Variants in EYS observed in about 807,000 individuals in gnomAD.
EYS encodes protein eyes shut homolog.
A neutral mutation model predicts 282.1 loss-of-function variants in EYS; 250 were observed. The ratio of observed to expected loss-of-function variants is 0.89; its 90% CI spans 0.80 to 0.98. The LOEUF (loss-of-function observed/expected upper bound fraction) is 0.98. Ranked by LOEUF, EYS falls within the 50% of genes least tolerant of loss-of-function variation. The probability of loss-of-function intolerance (pLI) is 0.00; values close to 1 mark genes in which losing one functional copy is unlikely to be tolerated. For synonymous variants in EYS, 1,355 were observed against 1,282.9 expected (o/e 1.06, Z -1.20); for missense variants, 4,016 against 3,709.0 (o/e 1.08, Z -2.15).
At chr6:64,727,746 G>A (rs919404730) in intron 22 of EYS, among the ~76,000 whole-genome samples, 5 of 152,136 alleles carry the variant, frequency 3.3e-5, no homozygotes, top group Admixed American at 2.0e-4. Flanking sequence ...TTTAGACAGT[G>A]ACCCAATCCT....
intron 36 of EYS, among the ~76,000 whole-genome samples, chr6:63,835,211 TAAAAA>T (rs1399724270): frequency 6.6e-6 from 1 of 151,222 alleles, no homozygotes; most frequent in Non-Finnish European, 1.5e-5. Context: ...TAATAAAAAA[TAAAAA>T]ATAAATGAGT....
At chr6:64,123,534 T>G (rs1363940370) in intron 31 of EYS, among the ~76,000 whole-genome samples, 1 of 152,218 alleles carries the variant, frequency 6.6e-6, no homozygotes, top group Non-Finnish European at 1.5e-5. Context: ...AGACACAGCC[T>G]TGATCTGCAC....
chr6:63,895,530 T>C (rs1205217818), intron 35 of EYS, among the ~76,000 whole-genome samples: 1 of 152,252 alleles, frequency 6.6e-6, no homozygotes, highest in African/African-American at 2.4e-5. Flanking sequence ...CTAGCCATTC[T>C]ATGAAATTTG....
chr6:64,539,153 TGAA>T (rs1242725869), intron 26 of EYS, among the ~76,000 whole-genome samples: 3 of 152,198 alleles, frequency 2.0e-5, no homozygotes, highest in Admixed American at 1.3e-4. Flanking sequence ...TTTTGCAAGA[TGAA>T]GAAGTTTTGG....
intron 2 of EYS, among the ~76,000 whole-genome samples, chr6:65,528,711 T>C (rs892744658): frequency 2.0e-5 from 3 of 152,178 alleles, no homozygotes; most frequent in African/African-American, 4.8e-5. Flanking sequence ...TATTCTGTTA[T>C]AGCAGCACAA....
chr6:64,480,963 A>T (rs1014076891), intron 26 of EYS, among the ~76,000 whole-genome samples: 1 of 151,676 alleles, frequency 6.6e-6, no homozygotes, highest in Admixed American at 6.6e-5. Flanking sequence ...TTCAAATTAA[A>T]GTCAGAATAT....
chr6:64,654,066 A>G (rs1329378172), intron 22 of EYS, among the ~76,000 whole-genome samples: 1 of 152,092 alleles, frequency 6.6e-6, no homozygotes, highest in Non-Finnish European at 1.5e-5. Flanking sequence ...CAGTCTCTTC[A>G]TATTTACCTT....
chr6:65,353,757 T>C (rs1420455375), intron 8 of EYS, 140 bp from the exon 9 acceptor site: 1 of 639,480 alleles, frequency 1.6e-6, no homozygotes, highest in East Asian at 2.8e-5. Flanking sequence ...TACTTCTCTT[T>C]ATTTCTTCTA....
chr6:64,248,028 CAGA>C (rs1352372237), intron 30 of EYS, among the ~76,000 whole-genome samples: 1 of 152,038 alleles, frequency 6.6e-6, no homozygotes, highest in Non-Finnish European at 1.5e-5. Flanking sequence ...CCTAAAAGAC[CAGA>C]AGGACTTGGC....
At chr6:65,139,652 T>TTC (rs1764277224) in intron 12 of EYS, among the ~76,000 whole-genome samples, 1 of 152,062 alleles carries the variant, frequency 6.6e-6, no homozygotes, top group East Asian at 1.9e-4. Context: ...GAAACTAGAC[T>TTC]TCTACCCATG....
chr6:64,080,481 A>G (rs537426688), intron 32 of EYS, among the ~76,000 whole-genome samples: 2 of 152,164 alleles, frequency 1.3e-5, no homozygotes, highest in South Asian at 2.1e-4. Context: ...AGTAGATTGC[A>G]AAAATTTTCT....
At chr6:64,018,209 A>G (rs938871225) in intron 33 of EYS, among the ~76,000 whole-genome samples, 15 of 152,204 alleles carry the variant, frequency 9.9e-5, no homozygotes, top group African/African-American at 3.6e-4. Flanking sequence ...AAAATATGCT[A>G]CCATGGGATA....
chr6:64,677,754 C>T (rs11759039), intron 22 of EYS, among the ~76,000 whole-genome samples: 1 of 151,992 alleles, frequency 6.6e-6, no homozygotes, highest in Non-Finnish European at 1.5e-5. Flanking sequence ...ATGTCTAATT[C>T]TGTCATTTTC....
chr6:64,936,685 AAG>A (rs1341881106), intron 15 of EYS, among the ~76,000 whole-genome samples: 1 of 151,508 alleles, frequency 6.6e-6, no homozygotes, highest in Non-Finnish European at 1.5e-5. Flanking sequence ...ATAACATAAA[AAG>A]ATTCAAATTC....
chr6:63,730,369 C>T (rs1382873948), intron 41 of EYS, among the ~76,000 whole-genome samples: 1 of 152,130 alleles, frequency 6.6e-6, no homozygotes, highest in African/African-American at 2.4e-5. Flanking sequence ...ATTCATTGCC[C>T]TCTTTAAACC....
At chr6:64,796,547 T>G (rs1402355626) in intron 22 of EYS, among the ~76,000 whole-genome samples, 2 of 152,152 alleles carry the variant, frequency 1.3e-5, no homozygotes, top group Non-Finnish European at 2.9e-5. Context: ...AGTTTAAGGC[T>G]CTGAAAATAA....
At chr6:65,553,757 G>A (rs571182990) in intron 2 of EYS, among the ~76,000 whole-genome samples, 1 of 152,066 alleles carries the variant, frequency 6.6e-6, no homozygotes, top group Admixed American at 6.5e-5. Context: ...TAGAACATGA[G>A]GTGTTCTGTA....
intron 36 of EYS, among the ~76,000 whole-genome samples, chr6:63,861,200 T>C (rs1321965722): frequency 6.7e-6 from 1 of 150,192 alleles, no homozygotes; most frequent in African/African-American, 2.5e-5. Flanking sequence ...GTTATGCCTC[T>C]ATTCTTTTTC....
chr6:65,109,852 T>C (rs914861082), intron 12 of EYS, among the ~76,000 whole-genome samples: 3 of 152,118 alleles, frequency 2.0e-5, no homozygotes, highest in African/African-American at 7.2e-5. Flanking sequence ...TTCAGATAGT[T>C]GCTTATTGTA....
Sources: gnomAD v4.1 joint callset for allele counts (sites outside exome capture counted in the v4.1 genomes callset) on GRCh38, gnomAD v4.1.1 for gene constraint, MANE v1.5 for transcripts, NCBI Gene and HGNC (gene_info 2026-07-23, HGNC 2026-07-21) for gene names.